PODXL: variants seen among roughly 807,000 people sequenced by gnomAD.
The protein encoded by PODXL is podocalyxin like.
In PODXL, 20 loss-of-function variants were observed where a neutral mutation model predicts 48.9. That is an observed-to-expected ratio of 0.41 (90% CI 0.29 to 0.59). The LOEUF (loss-of-function observed/expected upper bound fraction) is 0.59. Ranked by LOEUF, PODXL falls within the 20% of genes least tolerant of loss-of-function variation. The pLI, the probability that PODXL is intolerant of heterozygous loss-of-function variation, is 0.31. For synonymous variants in PODXL, 295 were observed against 287.4 expected, an observed-to-expected ratio of 1.03 and a Z score of -0.27; for missense variants, 606 against 675.1, an observed-to-expected ratio of 0.90 and a Z score of 1.13.
intron 1 of PODXL, among the ~76,000 whole-genome samples, chr7:131,537,819 C>A (rs1353270463): frequency 6.6e-6 from 1 of 152,046 alleles, no homozygotes. Context: ...GGCATCACAC[C>A]GTCGTGACTC....
Position 131,551,853 on chromosome 7 carries a change from C to T in PODXL, c.100+4407G>A, listed in dbSNP as rs183841955. On this transcript the variant is annotated intron_variant, in intron 1 of 8. Coordinates refer to ENST00000378555, the MANE Select transcript of PODXL (RefSeq NM_001018111.3). ...TCGGGAGGCTGAGGCAGGAGAATGG[C>T]GTGAACCCGGGAGGTGGAGCTTGTA... 7.3e-3 allele frequency among the ~76,000 whole-genome samples: 1,100 copies of T among 150,994 alleles called. 13 individuals are homozygous for T. Among genetic ancestry groups the T allele is most frequent in the African/African-American group, 0.025 (1,040 of 40,970 alleles).
chr7:131,529,392 C>T (rs544278171), intron 1 of PODXL, among the ~76,000 whole-genome samples: 26 of 152,208 alleles, frequency 1.7e-4, no homozygotes, highest in Non-Finnish European at 3.2e-4. Context: ...CTTCAATCTT[C>T]AAGGAGGGCC....
chr7:131,509,195 G>GCC, intron 4 of PODXL, 167 bp from the exon 5 acceptor site: 2 of 813,288 alleles, frequency 2.5e-6, no homozygotes, highest in Non-Finnish European at 4.1e-6. Context: ...CTTGAGGGCA[G>GCC]CTCAAGCCAG....
chr7:131,547,870 G>C (rs1410063263), intron 1 of PODXL, among the ~76,000 whole-genome samples: 1 of 152,196 alleles, frequency 6.6e-6, no homozygotes, highest in Non-Finnish European at 1.5e-5. Context: ...AGAGCTCATA[G>C]CCAAACCCCT....
Position 131,500,397 on chromosome 7 carries a change from C to T in PODXL, c.*3914G>A, listed in dbSNP as rs1226692322. On this transcript the variant is annotated 3_prime_UTR_variant, in exon 9 of 9. Coordinates refer to ENST00000378555, the MANE Select transcript of PODXL (RefSeq NM_001018111.3). The stretch of plus-strand genomic sequence containing the variant: ...TCAGTAAATTCCAGTGTACTTCAGA[C>T]CCCTGTCCACTAAGACATATATGAT... The T allele has an allele frequency of 6.6e-6, 1 of 152,628 alleles. No homozygotes were observed. The highest frequency in any genetic ancestry group is 1.5e-5 in the Non-Finnish European group (1 of 68,024). The allele number at this position is 152,628 out of a possible 1,614,324, so 9.5% of individuals were successfully genotyped here.
Position 131,518,333 on chromosome 7 carries a change from C to T in PODXL, c.101-6900G>A, listed in dbSNP as rs574394052. ...AAAGTAATGTATTAAAAAGATAATG[C>T]GTTGGCTAATAAAATACTTGAGGTG... On this transcript the variant is annotated intron_variant, in intron 1 of 8. Coordinates refer to ENST00000378555, the MANE Select transcript of PODXL (RefSeq NM_001018111.3). Among the ~76,000 whole-genome samples the T allele has an allele frequency of 5.4e-4, 82 of 152,224 alleles. No homozygotes were observed. The Middle Eastern group carries it at 0.01, about 19-fold the overall frequency.
intron 1 of PODXL, among the ~76,000 whole-genome samples, chr7:131,555,771 C>T (rs1798732081): frequency 6.6e-6 from 1 of 152,238 alleles, no homozygotes; most frequent in Admixed American, 6.5e-5. Flanking sequence ...AGTACATCGC[C>T]CGCGTGGGCC....
chr7:131,503,133 A>G lies in PODXL; in HGVS notation c.*1178T>C, dbSNP rs938870702. On this transcript the variant is annotated 3_prime_UTR_variant, in exon 9 of 9. Coordinates refer to ENST00000378555, the MANE Select transcript of PODXL (RefSeq NM_001018111.3). ...TGGAGGGCTGGGTTAGAAAACAACT[A>G]TAACAAAACTCTCAGCAACTTGAAA... 2 of 152,728 alleles carry G rather than the reference A, an allele frequency of 1.3e-5. No homozygotes were observed. The highest frequency in any genetic ancestry group is 2.9e-5 in the Non-Finnish European group (2 of 68,096). 9.5% of individuals were successfully genotyped at this position (152,728 alleles called of 1,614,324 possible). A position where few individuals can be genotyped will look rare whatever the true frequency, so the allele number is the denominator to read the frequency against.
chr7:131,509,106 C>T lies in PODXL; in HGVS notation c.1024-78G>A, dbSNP rs1335010553. 2.4e-6 allele frequency: 3 copies of T among 1,269,344 alleles called. No individual in the cohort carries two copies. The Middle Eastern group carries it at 5.6e-4, about 235-fold the overall frequency. The allele number at this position is 1,269,344 out of a possible 1,614,324, so 78.6% of individuals were successfully genotyped here. On this transcript the variant is annotated intron_variant, in intron 4 of 8. Transcript: ENST00000378555. ...ACATTTCCCCCCAACTAAGGGGTGA[C>T]CCAGATAGGAAAGAGTTCACGGCAA...
At chr7:131,533,134 G>T (rs769709181) in intron 1 of PODXL, among the ~76,000 whole-genome samples, 4 of 152,148 alleles carry the variant, frequency 2.6e-5, no homozygotes, top group Non-Finnish European at 4.4e-5. Flanking sequence ...CCCAACGTGC[G>T]CCCCTTACCC....
At chr7:131,554,302 T>C (rs1409852379) in intron 1 of PODXL, among the ~76,000 whole-genome samples, 3 of 152,040 alleles carry the variant, frequency 2.0e-5, no homozygotes, top group Admixed American at 2.0e-4. Context: ...TACATGCAAA[T>C]CATCATCACC....
At chr7:131,528,414 G>A (rs558710396) in intron 1 of PODXL, among the ~76,000 whole-genome samples, 1 of 152,296 alleles carries the variant, frequency 6.6e-6, no homozygotes, top group Admixed American at 6.5e-5. Context: ...GAACCTCTTA[G>A]AAAAGAGGTT....
chr7:131,556,432 A>C lies in PODXL; in HGVS notation c.-73T>G. ...AGGATCCGCGCGTCCGGGCGGTAGG[A>C]GCGTGGGCGCCGCCCGGGGAGGCCT... On this transcript the variant is annotated 5_prime_UTR_variant, in exon 1 of 9. Coordinates refer to ENST00000378555, the MANE Select transcript of PODXL (RefSeq NM_001018111.3). 1.5e-6 allele frequency: 2 copies of C among 1,303,082 alleles called. No homozygotes were observed. Among genetic ancestry groups the C allele is most frequent in the Admixed American group, 8.1e-5 (2 of 24,750 alleles). 80.7% of individuals were successfully genotyped at this position (1,303,082 alleles called of 1,614,324 possible).
intron 1 of PODXL, among the ~76,000 whole-genome samples, chr7:131,534,922 G>A (rs1798345828): frequency 6.6e-6 from 1 of 151,976 alleles, no homozygotes; most frequent in Non-Finnish European, 1.5e-5. Flanking sequence ...TGGGTGTGCT[G>A]TAGCCTGTAG....
At position 131,541,616 on chromosome 7, in the gene PODXL, G is replaced by A. The variant is rs537200409; in HGVS notation, c.100+14644C>T. On this transcript the variant is annotated intron_variant, in intron 1 of 8. Coordinates refer to ENST00000378555, the MANE Select transcript of PODXL (RefSeq NM_001018111.3). ...AGATAATTGCTCGAACCTGGGAGGC[G>A]GAGGTTGCAGTGAGCCACTGCACTC... Among the ~76,000 whole-genome samples the A allele has an allele frequency of 6.6e-5, 10 of 151,648 alleles. No individual in the cohort carries two copies. In the South Asian group the frequency reaches 8.4e-4, roughly 13 times the overall value.
rs1195741363 is a variant in PODXL, at chr7:131,507,868, G to C, written c.1101+1083C>G. On this transcript the variant is annotated intron_variant, in intron 5 of 8. Transcript: ENST00000378555. ...TGGTCTAGATGTAGGCTTTTGTAAAGTTCACTTGGAAAATGCCGGCATAAT... is the reference window on the plus strand; with the variant it reads ...TGGTCTAGATGTAGGCTTTTGTAAACTTCACTTGGAAAATGCCGGCATAAT... 2.6e-5 allele frequency among the ~76,000 whole-genome samples: 4 copies of C among 152,282 alleles called. No homozygotes were observed. In the East Asian group the frequency reaches 7.7e-4, roughly 29 times the overall value.
At chr7:131,507,668 GGAA>G (rs1797831463) in intron 5 of PODXL, among the ~76,000 whole-genome samples, 1 of 114,360 alleles carries the variant, frequency 8.7e-6, no homozygotes. Context: ...TCTAGCAAAG[GGAA>G]AAAAAAAAAA....
intron 1 of PODXL, among the ~76,000 whole-genome samples, chr7:131,536,890 C>T (rs750094732): frequency 6.6e-6 from 1 of 152,214 alleles, no homozygotes; most frequent in South Asian, 2.1e-4. Flanking sequence ...TTTGGGAGGC[C>T]GAGGCAGTCA....
At chr7:131,535,857 G>T (rs1798366512) in intron 1 of PODXL, among the ~76,000 whole-genome samples, 1 of 152,108 alleles carries the variant, frequency 6.6e-6, no homozygotes, top group South Asian at 2.1e-4. Flanking sequence ...GACCTCCCAG[G>T]CTCAAGCAAT....
Sources: gnomAD v4.1 joint callset for allele counts (sites outside exome capture counted in the v4.1 genomes callset) on GRCh38, gnomAD v4.1.1 for gene constraint, MANE v1.5 for transcripts, NCBI Gene and HGNC (gene_info 2026-07-23, HGNC 2026-07-21) for gene names.